Variants in GAS7 observed in about 807,000 individuals in gnomAD.
The protein encoded by GAS7 is growth arrest specific 7.
Under a neutral mutation model 71.1 loss-of-function variants are expected in GAS7, and 28 were observed. The observed-to-expected ratio is 0.39, with a 90% CI of 0.29 to 0.54. The LOEUF is 0.54. Among genes scored for constraint, GAS7 ranks in the 20% least tolerant of loss-of-function variants. The probability of loss-of-function intolerance (pLI) is 0.62; values close to 1 mark genes in which losing one functional copy is unlikely to be tolerated. For missense variants in GAS7, 436 were observed against 627.8 expected, an observed-to-expected ratio of 0.69 and a Z score of 3.27; for synonymous variants, 258 against 245.8, an observed-to-expected ratio of 1.05 and a Z score of -0.46.
intron 5 of GAS7, among the ~76,000 whole-genome samples, chr17:9,955,239 A>G (rs16959070): frequency 0.02 from 3,024 of 152,268 alleles, 143 homozygotes; most frequent in East Asian, 0.11. Context: ...AAGGTGGGAC[A>G]GGACTTTCCG....
intron 2 of GAS7, among the ~76,000 whole-genome samples, chr17:9,982,824 G>GGAAAGAAAGGAAA (rs1555611352): frequency 4.0e-3 from 461 of 116,176 alleles, no homozygotes; most frequent in Non-Finnish European, 6.5e-3. Flanking sequence ...AGGAAAGAAA[G>GGAAAGAAAGGAAA]GAAAGAAAGA....
At chr17:10,126,719 A>G (rs748423750) in intron 1 of GAS7, among the ~76,000 whole-genome samples, 7 of 152,174 alleles carry the variant, frequency 4.6e-5, no homozygotes, top group Non-Finnish European at 8.8e-5. Context: ...TTGTTAAACA[A>G]CAGCCTTCTT....
intron 1 of GAS7, among the ~76,000 whole-genome samples, chr17:10,176,050 C>T (rs2074372310): frequency 6.6e-6 from 1 of 152,198 alleles, no homozygotes; most frequent in Non-Finnish European, 1.5e-5. Context: ...GTCCTGTCCA[C>T]TCCATCTCAT....
At chr17:10,169,783 C>T (rs533606555) in intron 1 of GAS7, among the ~76,000 whole-genome samples, 1 of 152,112 alleles carries the variant, frequency 6.6e-6, no homozygotes, top group Non-Finnish European at 1.5e-5. Flanking sequence ...TACGCCATAA[C>T]GACTTCAAAT....
chr17:10,095,907 T>C (rs1029611281), intron 1 of GAS7, among the ~76,000 whole-genome samples: 5 of 152,160 alleles, frequency 3.3e-5, no homozygotes, highest in African/African-American at 1.2e-4. Context: ...TTCCCTTCCT[T>C]TGCAGAATGA....
chr17:10,121,664 T>G (rs1443519262), intron 1 of GAS7, among the ~76,000 whole-genome samples: 2 of 152,176 alleles, frequency 1.3e-5, no homozygotes, highest in Admixed American at 1.3e-4. Context: ...ACAGATCTGT[T>G]TTTAAAAATT....
chr17:9,997,970 G>C lies in GAS7; in HGVS notation c.305-16086C>G, dbSNP rs536327768. Among the ~76,000 whole-genome samples the C allele has an allele frequency of 4.5e-4, 69 of 152,310 alleles. 1 individual carries two copies. Among genetic ancestry groups the C allele is most frequent in the African/African-American group, 1.6e-3 (66 of 41,554 alleles). On this transcript the variant is annotated intron_variant, in intron 2 of 13. Transcript: ENST00000432992. ...GCTCCATGTGGTCAGTTGACCAGAA[G>C]CTCTCTACACCCTGTTTTTCTAGGT...
chr17:9,953,231 A>T (rs2069093077), intron 5 of GAS7, among the ~76,000 whole-genome samples: 1 of 152,102 alleles, frequency 6.6e-6, no homozygotes, highest in Non-Finnish European at 1.5e-5. Flanking sequence ...ATCCTTAGCA[A>T]ACGAATGCAG....
intron 1 of GAS7, among the ~76,000 whole-genome samples, chr17:10,056,353 G>A (rs1229016324): frequency 6.6e-6 from 1 of 152,026 alleles, no homozygotes; most frequent in Non-Finnish European, 1.5e-5. Context: ...AAATTAGCCA[G>A]GCATGATGGT....
At chr17:10,051,283 G>A (rs995930973) in intron 1 of GAS7, among the ~76,000 whole-genome samples, 2 of 152,150 alleles carry the variant, frequency 1.3e-5, no homozygotes, top group Non-Finnish European at 2.9e-5. Context: ...GGTCACCAAC[G>A]CTGAGTCACT....
chr17:10,011,088 C>T (rs1016448177), intron 2 of GAS7, among the ~76,000 whole-genome samples: 4 of 152,244 alleles, frequency 2.6e-5, no homozygotes, highest in Non-Finnish European at 5.9e-5. Flanking sequence ...CTGCAACCCA[C>T]TTTTATGAAA....
At chr17:10,003,853 T>G (rs2071365918) in intron 2 of GAS7, among the ~76,000 whole-genome samples, 1 of 152,126 alleles carries the variant, frequency 6.6e-6, no homozygotes, top group Admixed American at 6.5e-5. Flanking sequence ...TCTCACCCCA[T>G]TTTCCTCCTC....
At chr17:10,047,268 T>G (rs1015085161) in intron 1 of GAS7, among the ~76,000 whole-genome samples, 1 of 151,738 alleles carries the variant, frequency 6.6e-6, no homozygotes, top group African/African-American at 2.4e-5. Flanking sequence ...GAACTGTGAG[T>G]TTTCATGTTC....
At chr17:10,190,098 C>T (rs1308626673) in intron 1 of GAS7, among the ~76,000 whole-genome samples, 1 of 152,208 alleles carries the variant, frequency 6.6e-6, no homozygotes, top group Non-Finnish European at 1.5e-5. Context: ...TTTTGCACTA[C>T]AGCAGCAGAG....
At chr17:10,173,022 A>T (rs974054956) in intron 1 of GAS7, among the ~76,000 whole-genome samples, 5 of 152,250 alleles carry the variant, frequency 3.3e-5, no homozygotes, top group African/African-American at 4.8e-5. Flanking sequence ...GTACTGATAC[A>T]CGTCACTACG....
intron 1 of GAS7, among the ~76,000 whole-genome samples, chr17:10,025,841 A>G (rs1295924230): frequency 6.6e-6 from 1 of 152,218 alleles, no homozygotes; most frequent in African/African-American, 2.4e-5. Context: ...AGCAACTGAG[A>G]AAAAACATCA....
chr17:9,997,832 C>T (rs1237683890), intron 2 of GAS7, among the ~76,000 whole-genome samples: 1 of 152,232 alleles, frequency 6.6e-6, no homozygotes, highest in East Asian at 1.9e-4. Flanking sequence ...CCACTTATTA[C>T]ACAGGCTATG....
intron 1 of GAS7, among the ~76,000 whole-genome samples, chr17:10,135,233 A>G (rs867221172): frequency 4.5e-4 from 68 of 152,308 alleles, no homozygotes; most frequent in African/African-American, 1.5e-3. Context: ...CCATGGAAAG[A>G]GGCAGTAATC....
chr17:10,002,258 T>C (rs1231209110), intron 2 of GAS7, among the ~76,000 whole-genome samples: 4 of 152,180 alleles, frequency 2.6e-5, no homozygotes, highest in African/African-American at 7.2e-5. Context: ...GTGGTGGCCT[T>C]GGGCATTCCT....
Sources: gnomAD v4.1 joint callset for allele counts (sites outside exome capture counted in the v4.1 genomes callset) on GRCh38, gnomAD v4.1.1 for gene constraint, MANE v1.5 for transcripts, NCBI Gene and HGNC (gene_info 2026-07-23, HGNC 2026-07-21) for gene names.